MYO18B: variants seen among roughly 807,000 people sequenced by gnomAD.
The protein encoded by MYO18B is myosin XVIIIB.
Under a neutral mutation model 273.0 loss-of-function variants are expected in MYO18B, and 204 were observed. The ratio of observed to expected loss-of-function variants is 0.75; its 90% CI spans 0.67 to 0.84. MYO18B has a LOEUF of 0.84. MYO18B is among the 40% of genes least tolerant of loss of function. MYO18B has a pLI of 0.00. For synonymous variants in MYO18B, 1,330 were observed against 1,305.7 expected (o/e 1.02, Z -0.40); for missense variants, 3,212 against 3,287.6 (o/e 0.98, Z 0.56).
At chr22:25,999,249 A>G (rs1347747634) in intron 40 of MYO18B, among the ~76,000 whole-genome samples, 2 of 152,184 alleles carry the variant, frequency 1.3e-5, no homozygotes, top group East Asian at 3.9e-4. Context: ...GTCATGTCAA[A>G]TGTAACCTAC....
intron 17 of MYO18B, among the ~76,000 whole-genome samples, chr22:25,838,416 T>A (rs895939878): frequency 1.3e-5 from 2 of 152,114 alleles, no homozygotes; most frequent in African/African-American, 4.8e-5. Flanking sequence ...GCCAGGCTGG[T>A]CTGGAACTAC....
chr22:25,883,329 C>T lies in MYO18B; in HGVS notation c.4314+5281C>T, dbSNP rs567645732. The T allele has an allele frequency of 1.3e-5, 2 of 152,362 alleles. No homozygotes were observed. Among genetic ancestry groups the T allele is most frequent in the East Asian group, 3.9e-4 (2 of 5,186 alleles). The allele number at this position is 152,362 out of a possible 1,614,324, so 9.4% of individuals were successfully genotyped here. A position where few individuals can be genotyped will look rare whatever the true frequency, so the allele number is the denominator to read the frequency against. On this transcript the variant is annotated intron_variant, in intron 25 of 43. Coordinates refer to ENST00000335473, the MANE Select transcript of MYO18B (RefSeq NM_032608.7). The surrounding 1 kb of genome is among the most constrained non-coding windows in gnomAD (Gnocchi z 7.6). ...GGGAGCCCTCCAGCCCCTAGGCAAT[C>T]CTGATTCAGAGGGTGAGGTTGCTTT...
At chr22:26,040,182 G>A in the MYO18B span, among the ~76,000 whole-genome samples, 1 of 152,188 alleles carries the variant, frequency 6.6e-6, no homozygotes, top group African/African-American at 2.4e-5. Flanking sequence ...GTTGCTGCAA[G>A]ACATTATTCC....
chr22:25,867,323 A>T (rs554522220), intron 21 of MYO18B, among the ~76,000 whole-genome samples: 1 of 152,290 alleles, frequency 6.6e-6, no homozygotes, highest in South Asian at 2.1e-4. Context: ...ATAATTCTTT[A>T]TTCTCCATGA....
At position 25,775,966 on chromosome 22, in the gene MYO18B, A is replaced by G. The variant is rs113124888; in HGVS notation, c.1870-1617A>G. On this transcript the variant is annotated intron_variant, in intron 7 of 43. Coordinates refer to ENST00000335473, the MANE Select transcript of MYO18B (RefSeq NM_032608.7). ...TTCTGAGCATTTTTGACAAAGGTGTATAGTTGTATAACTGCTTTGACAATC... is the reference window on the plus strand; with the variant it reads ...TTCTGAGCATTTTTGACAAAGGTGTGTAGTTGTATAACTGCTTTGACAATC... 5.6e-3 allele frequency among the ~76,000 whole-genome samples: 854 copies of G among 152,106 alleles called. 11 individuals are homozygous for G. The highest frequency in any genetic ancestry group is 0.018 in the African/African-American group (765 of 41,508).
rs565398268 is a variant in MYO18B, at chr22:25,885,444, G to A, written c.4315-5312G>A. 3.9e-4 allele frequency among the ~76,000 whole-genome samples: 59 copies of A among 152,274 alleles called. 1 individual carries two copies. Among genetic ancestry groups the A allele is most frequent in the Middle Eastern group, 6.8e-3 (2 of 294 alleles). ...AGTCATGAAGGATAAGCAGGAGCTG[G>A]CCAGGTGACAAGGTGAGGGGACATT... On this transcript the variant is annotated intron_variant, in intron 25 of 43. Coordinates refer to ENST00000335473, the MANE Select transcript of MYO18B (RefSeq NM_032608.7).
At chr22:25,948,459 C>CTTCTTTCTTTCTTTCT (rs1158700194) in intron 36 of MYO18B, among the ~76,000 whole-genome samples, 30 of 67,716 alleles carry the variant, frequency 4.4e-4, no homozygotes, top group African/African-American at 1.5e-3. Flanking sequence ...TCCTTCCTTC[C>CTTCTTTCTTTCTTTCT]TTCTTTCTTT....
intron 9 of MYO18B, among the ~76,000 whole-genome samples, chr22:25,780,896 A>G (rs188019337): frequency 7.9e-5 from 12 of 152,294 alleles, no homozygotes; most frequent in South Asian, 2.1e-4. Context: ...TGACGAACAC[A>G]TGGCCTGTTT....
intron 34 of MYO18B, among the ~76,000 whole-genome samples, chr22:25,936,434 C>T (rs191667139): frequency 6.6e-6 from 1 of 152,228 alleles, no homozygotes; most frequent in East Asian, 1.9e-4. Context: ...GAACATATTC[C>T]ACAGGACTTA....
intron 34 of MYO18B, among the ~76,000 whole-genome samples, chr22:25,942,641 C>T (rs1426367148): frequency 6.6e-6 from 1 of 152,172 alleles, no homozygotes; most frequent in Non-Finnish European, 1.5e-5. Context: ...TCAGAGTCCG[C>T]CTTTATCAAA....
At chr22:25,817,238 TTC>T (rs2089059008) in intron 12 of MYO18B, among the ~76,000 whole-genome samples, 1 of 151,722 alleles carries the variant, frequency 6.6e-6, no homozygotes, top group Non-Finnish European at 1.5e-5. Context: ...CTTTCTCTCT[TTC>T]TCTCTCTTTC....
chr22:25,922,511 T>C (rs1176340725), intron 34 of MYO18B, among the ~76,000 whole-genome samples: 2 of 152,138 alleles, frequency 1.3e-5, no homozygotes, highest in East Asian at 1.9e-4. Context: ...CTGGGGAGGC[T>C]CAGAGCTCTG....
In MYO18B at chr22:25,781,953, G is replaced by A. The variant is rs5752205; in HGVS notation, c.2312+119G>A. On this transcript the variant is annotated intron_variant, in intron 10 of 43. Transcript: ENST00000335473. ...AGAGGCCGTGGGACCCAGGGATTAG[G>A]AACATGGCGTCCGATTCCAGCTGTC... 8.7e-3 allele frequency: 5,676 copies of A among 651,984 alleles called. 152 individuals carry two copies. Among genetic ancestry groups the A allele is most frequent in the African/African-American group, 0.066 (3,555 of 53,746 alleles). The allele number at this position is 651,984 out of a possible 1,614,324, so 40.4% of individuals were successfully genotyped here. A position where few individuals can be genotyped will look rare whatever the true frequency, so the allele number is the denominator to read the frequency against.
Position 26,027,027 on chromosome 22 carries a change from C to G in MYO18B, c.7053C>G (p.Cys2351Trp), listed in dbSNP as rs7290069. 1.1e-5 allele frequency: 17 copies of G among 1,613,958 alleles called. No individual in the cohort carries two copies. The highest frequency in any genetic ancestry group is 1.6e-4 in the Middle Eastern group (1 of 6,062). ...AGTCGAAAACCCAATTCAGTTCCTG[C>G]GAGTCCCTCTTAGAATCCAGACCGA... ...PEKSKTQFSS[C>W]ESLLESRPSM... Residue 2351 changes from cysteine to tryptophan, a missense_variant, in exon 43 of 44, where the codon TGC becomes TGG. By Grantham distance (215) the Cys-to-Trp change is radical (BLOSUM62 -2). Coordinates refer to ENST00000335473, the MANE Select transcript of MYO18B (RefSeq NM_032608.7). This position sits in a 1 kb window ranked among gnomAD's most constrained non-coding sequence, Gnocchi z 4.1.
rs1569225105 is a variant in MYO18B, at chr22:25,948,445, TC to T, written c.5748+619del. Among the ~76,000 whole-genome samples, 107 of 130,808 alleles carry T rather than the reference TC, an allele frequency of 8.2e-4. 2 individuals carry two copies. Among genetic ancestry groups the T allele is most frequent in the African/African-American group, 1.2e-3 (35 of 30,176 alleles). 85.8% of individuals were successfully genotyped at this position (130,808 alleles called of 152,430 possible). A position where few individuals can be genotyped will look rare whatever the true frequency, so the allele number is the denominator to read the frequency against. On this transcript the variant is annotated intron_variant, in intron 36 of 43. Coordinates refer to ENST00000335473, the MANE Select transcript of MYO18B (RefSeq NM_032608.7). ...TTCCTTCCTTCCTTCCTTCCTTCCT[TC>T]CTTCCTTCCTTCCTTCTTTCTTTCT...
At chr22:25,921,161 G>C in intron 33 of MYO18B, 96 bp from the exon 34 acceptor site, 2 of 1,274,478 alleles carry the variant, frequency 1.6e-6, no homozygotes, top group Non-Finnish European at 2.1e-6. Flanking sequence ...GTGAGTGGCA[G>C]AGGCAGGATT....
At chr22:25,971,696 C>A (rs934760973) in intron 39 of MYO18B, among the ~76,000 whole-genome samples, 4 of 152,194 alleles carry the variant, frequency 2.6e-5, no homozygotes, top group Admixed American at 1.3e-4. Flanking sequence ...GGCGCGGCCT[C>A]AGTTAGGAAA....
chr22:26,055,693 G>C, the MYO18B span, among the ~76,000 whole-genome samples: 1 of 152,144 alleles, frequency 6.6e-6, no homozygotes, highest in Non-Finnish European at 1.5e-5. Context: ...AGAAATCTAG[G>C]CTTCCTAAGC....
chr22:25,934,739 T>G (rs552760282), intron 34 of MYO18B, among the ~76,000 whole-genome samples: 15 of 152,322 alleles, frequency 9.8e-5, no homozygotes, highest in African/African-American at 3.4e-4. Flanking sequence ...GAGTTTCTGA[T>G]AAGCCTTTCC....
Sources: gnomAD v4.1 joint callset for allele counts (sites outside exome capture counted in the v4.1 genomes callset) on GRCh38, gnomAD v4.1.1 for gene constraint, Gnocchi (gnomAD v3.1) non-coding constraint, MANE v1.5 for transcripts, NCBI Gene and HGNC (gene_info 2026-07-23, HGNC 2026-07-21) for gene names.